The following SPIDR variants were observed in gnomAD, a reference collection of about 807,000 sequenced individuals.
SPIDR encodes the protein scaffold protein involved in DNA repair.
A neutral mutation model predicts 104.6 loss-of-function variants in SPIDR; 93 were observed. That is an observed-to-expected ratio of 0.89 (90% confidence interval 0.75 to 1.06). SPIDR has a LOEUF of 1.06. Among genes scored for constraint, SPIDR ranks in the 50% least tolerant of loss-of-function variants. The pLI, the probability that SPIDR is intolerant of heterozygous loss-of-function variation, is 0.00. For synonymous variants in SPIDR, 431 were observed against 416.9 expected (o/e 1.03, Z -0.41); for missense variants, 1,154 against 1,111.2 (o/e 1.04, Z -0.55).
At chr8:47,598,733 C>A (rs1056870149) in intron 9 of SPIDR, among the ~76,000 whole-genome samples, 4 of 152,186 alleles carry the variant, frequency 2.6e-5, no homozygotes, top group African/African-American at 7.2e-5. Flanking sequence ...TTCTTTCACT[C>A]GCCTTCAGCT....
chr8:47,603,843 A>G (rs2062615386), intron 10 of SPIDR, among the ~76,000 whole-genome samples: 1 of 152,234 alleles, frequency 6.6e-6, no homozygotes. Context: ...GGAGAAATTC[A>G]CTGAGCTGAA....
chr8:47,680,405 G>A (rs1034860356), intron 11 of SPIDR, among the ~76,000 whole-genome samples: 8 of 152,122 alleles, frequency 5.3e-5, no homozygotes, highest in African/African-American at 1.7e-4. Flanking sequence ...TCAGTCTCCC[G>A]CAGAGCCCAT....
At chr8:47,424,266 T>A (rs1487531396) in intron 7 of SPIDR, among the ~76,000 whole-genome samples, 2 of 152,220 alleles carry the variant, frequency 1.3e-5, no homozygotes, top group Non-Finnish European at 2.9e-5. Flanking sequence ...TTTCACAATA[T>A]GTTTGATATC....
At chr8:47,308,263 A>G (rs966420868) in intron 5 of SPIDR, among the ~76,000 whole-genome samples, 4 of 151,120 alleles carry the variant, frequency 2.6e-5, no homozygotes, top group Non-Finnish European at 5.9e-5. Flanking sequence ...GGGTTTCGCC[A>G]TGTTGCCCAG....
chr8:47,516,748 A>G (rs1411729208), intron 8 of SPIDR, among the ~76,000 whole-genome samples: 1 of 152,180 alleles, frequency 6.6e-6, no homozygotes, highest in Non-Finnish European at 1.5e-5. Flanking sequence ...ACATAAGTAT[A>G]CAAGTATCTG....
intron 1 of SPIDR, among the ~76,000 whole-genome samples, chr8:47,275,258 CA>C (rs878874805): frequency 7.6e-5 from 10 of 131,212 alleles, no homozygotes; most frequent in Admixed American, 1.5e-4. Context: ...GACTCAGTCT[CA>C]AAAAAAAAAG....
intron 5 of SPIDR, among the ~76,000 whole-genome samples, chr8:47,300,188 A>G (rs927937218): frequency 6.6e-6 from 1 of 152,136 alleles, no homozygotes; most frequent in Non-Finnish European, 1.5e-5. Flanking sequence ...GGGAGGGTGT[A>G]TGTGTCCAGG....
chr8:47,335,979 T>C (rs1161983475), intron 5 of SPIDR, among the ~76,000 whole-genome samples: 2 of 152,174 alleles, frequency 1.3e-5, no homozygotes, highest in Non-Finnish European at 2.9e-5. Context: ...CTCGGATCTG[T>C]GTGTGGTTTG....
At chr8:47,654,271 C>T (rs1473986142) in intron 10 of SPIDR, 8 of 879,016 alleles carry the variant, frequency 9.1e-6, no homozygotes, top group South Asian at 7.1e-5. Context: ...CTGCCTAATC[C>T]ATGTAGGTGG....
chr8:47,493,091 T>C (rs540952968), intron 8 of SPIDR, among the ~76,000 whole-genome samples: 1 of 147,926 alleles, frequency 6.8e-6, no homozygotes, highest in South Asian at 2.2e-4. Flanking sequence ...AAATAGAACT[T>C]CGCAGATAGC....
chr8:47,350,345 G>C (rs782811088), intron 5 of SPIDR, among the ~76,000 whole-genome samples: 1 of 152,170 alleles, frequency 6.6e-6, no homozygotes, highest in South Asian at 2.1e-4. Flanking sequence ...ATAGAGTCTC[G>C]CTCTGTCACC....
chr8:47,354,701 A>G lies in SPIDR; in HGVS notation c.526-41675A>G, dbSNP rs188245924. Among the ~76,000 whole-genome samples the G allele has an allele frequency of 7.7e-4, 117 of 151,992 alleles. 1 individual carries two copies. Among genetic ancestry groups the G allele is most frequent in the African/African-American group, 2.6e-3 (108 of 41,458 alleles). On this transcript the variant is annotated intron_variant, in intron 5 of 19. Transcript: ENST00000297423. ...CTGTTGCCCAGGCTGAAGTGCAGTGATGCAGTCATAGCACACTGCAGTCTT... is the reference window on the plus strand; with the variant it reads ...CTGTTGCCCAGGCTGAAGTGCAGTGGTGCAGTCATAGCACACTGCAGTCTT...
intron 5 of SPIDR, among the ~76,000 whole-genome samples, chr8:47,363,372 A>AT (rs1293819929): frequency 6.6e-6 from 1 of 150,594 alleles, no homozygotes; most frequent in African/African-American, 2.4e-5. Flanking sequence ...CTCCCGGCTA[A>AT]TTTTTTTGTA....
intron 10 of SPIDR, among the ~76,000 whole-genome samples, chr8:47,637,918 C>G (rs1240636033): frequency 6.6e-6 from 1 of 152,170 alleles, no homozygotes; most frequent in African/African-American, 2.4e-5. Context: ...TTTGGAATTC[C>G]TCTGCATGTG....
chr8:47,686,231 G>A (rs149719139), intron 11 of SPIDR, among the ~76,000 whole-genome samples: 24 of 152,188 alleles, frequency 1.6e-4, no homozygotes, highest in African/African-American at 4.6e-4. Context: ...TCTTCCTCTC[G>A]GGTTAATAGC....
At chr8:47,361,351 T>C (rs1403519647) in intron 5 of SPIDR, among the ~76,000 whole-genome samples, 1 of 152,242 alleles carries the variant, frequency 6.6e-6, no homozygotes, top group Non-Finnish European at 1.5e-5. Flanking sequence ...CACTCAGTGC[T>C]GCTGGTTTGT....
chr8:47,660,636 A>AG, intron 10 of SPIDR: 1 of 456,998 alleles, frequency 2.2e-6, no homozygotes, highest in Non-Finnish European at 2.9e-6. Context: ...ATGGTATTCT[A>AG]ATGGTTATGT....
chr8:47,390,325 A>T (rs1554651004), intron 5 of SPIDR, among the ~76,000 whole-genome samples: 1 of 152,142 alleles, frequency 6.6e-6, no homozygotes, highest in East Asian at 1.9e-4. Context: ...CACATGTTAC[A>T]GTTTTGTTTT....
In SPIDR at chr8:47,594,705, A is replaced by G. The variant is rs1447091799; in HGVS notation, c.1098-1106A>G. ...CCTGAGATATAAGAGGCAAAAAGAA[A>G]ACCCAGGGCCGGGCACAGTGGCTCA... On this transcript the variant is annotated intron_variant, in intron 8 of 19. Coordinates refer to ENST00000297423, the MANE Select transcript of SPIDR (RefSeq NM_001080394.4). 3.9e-5 allele frequency among the ~76,000 whole-genome samples: 6 copies of G among 152,028 alleles called. No individual in the cohort carries two copies. In the East Asian group the frequency reaches 9.7e-4, roughly 24 times the overall value.
Sources: gnomAD v4.1 joint callset for allele counts (sites outside exome capture counted in the v4.1 genomes callset) on GRCh38, gnomAD v4.1.1 for gene constraint, MANE v1.5 for transcripts, NCBI Gene and HGNC (gene_info 2026-07-23, HGNC 2026-07-21) for gene names.